The following ARHGAP39 variants were observed in gnomAD, a reference collection of about 807,000 sequenced individuals.
ARHGAP39 encodes Rho GTPase activating protein 39.
In ARHGAP39, 44 loss-of-function variants were observed where a neutral mutation model predicts 106.9. That is an observed-to-expected ratio of 0.41 (90% CI 0.32 to 0.53). ARHGAP39 has a LOEUF of 0.53. ARHGAP39 is among the 20% of genes least tolerant of loss of function. The pLI is 0.21. For missense variants in ARHGAP39, 1,496 were observed against 1,577.3 expected (o/e 0.95, Z 0.87); for synonymous variants, 768 against 693.2 (o/e 1.11, Z -1.69).
intron 3 of ARHGAP39, among the ~76,000 whole-genome samples, chr8:144,568,288 C>T (rs1818472410): frequency 7.9e-6 from 1 of 125,994 alleles, no homozygotes; most frequent in African/African-American, 3.1e-5. Context: ...GAGCCGAGAT[C>T]ACACCACTGC....
the ARHGAP39 span, among the ~76,000 whole-genome samples, chr8:144,696,224 C>T: frequency 3.3e-5 from 5 of 152,210 alleles, no homozygotes; most frequent in Admixed American, 2.0e-4. Context: ...CTGCAACCTC[C>T]GCCTCCTGGG....
upstream of ARHGAP39, among the ~76,000 whole-genome samples, chr8:144,687,998 A>C (rs1822666907): frequency 6.6e-6 from 1 of 150,816 alleles, no homozygotes; most frequent in African/African-American, 2.4e-5. Flanking sequence ...AGCGGTGAGC[A>C]CTTCCCACCC....
At chr8:144,532,223 A>G in intron 10 of ARHGAP39, 82 bp downstream of exon 10, 1 of 1,190,200 alleles carries the variant, frequency 8.4e-7, no homozygotes, top group Non-Finnish European at 1.2e-6. Context: ...ATCAGGGTGG[A>G]CCCCAGAGGC....
chr8:144,619,484 G>A (rs1236926167), intron 1 of ARHGAP39, among the ~76,000 whole-genome samples: 1 of 151,984 alleles, frequency 6.6e-6, no homozygotes, highest in Non-Finnish European at 1.5e-5. Context: ...GTCCCTGAGA[G>A]ACCGTTTGTG....
chr8:144,570,211 A>C (rs1486326929), intron 3 of ARHGAP39, among the ~76,000 whole-genome samples: 1 of 152,216 alleles, frequency 6.6e-6, no homozygotes, highest in African/African-American at 2.4e-5. Flanking sequence ...ACAAGAGTGA[A>C]ATTCTGTCTC....
chr8:144,588,269 G>A (rs926175210), intron 2 of ARHGAP39, among the ~76,000 whole-genome samples: 4 of 152,246 alleles, frequency 2.6e-5, no homozygotes, highest in Admixed American at 1.3e-4. Context: ...CGCATCCTGC[G>A]TGAGGGAACC....
rs189860791 is a variant in ARHGAP39 at position 144,545,589 on chromosome 8, G to A, written c.2181C>T (p.Ile727=). ...ANMLAWSSES[I]KKPMIVTSDR... is the part of the protein sequence containing the mutation. ...CGCTTGTCACGATCATGGGCTTCTT[G>A]ATGGACTCGCTGCTCCAGGCCAGCA... The change falls in exon 6 of 12, where the codon ATC becomes ATT. Residue 727 remains isoleucine (I), a synonymous_variant. Transcript: ENST00000377307. 8.7e-6 allele frequency: 14 copies of A among 1,613,810 alleles called. No individual in the cohort carries two copies. In the Admixed American group the frequency reaches 2.3e-4, roughly 27 times the overall value.
chr8:144,580,119 G>A (rs1818915737), intron 3 of ARHGAP39, among the ~76,000 whole-genome samples: 1 of 151,952 alleles, frequency 6.6e-6, no homozygotes, highest in African/African-American at 2.4e-5. Flanking sequence ...AGGCCCTTGC[G>A]CTCTACCCTG....
rs1444383295 is a variant in ARHGAP39 at position 144,670,295 on chromosome 8, T to C, written c.-82+15391A>G. Among the ~76,000 whole-genome samples, 2 of 152,066 alleles carry C rather than the reference T, an allele frequency of 1.3e-5. No homozygotes were observed. Among genetic ancestry groups the C allele is most frequent in the African/African-American group, 2.4e-5 (1 of 41,410 alleles). ...CAGAGCTCGGACGCGTGCTAGAGTGTACCGGGAAGCAGGATCAGCACCTGG... is the reference window on the plus strand; with the variant it reads ...CAGAGCTCGGACGCGTGCTAGAGTGCACCGGGAAGCAGGATCAGCACCTGG... On this transcript the variant is annotated intron_variant, in intron 1 of 11. Transcript: ENST00000377307. The surrounding 1 kb of genome is among the most constrained non-coding windows in gnomAD (Gnocchi z 4.4).
At chr8:144,668,816 C>G (rs953555698) in intron 1 of ARHGAP39, among the ~76,000 whole-genome samples, 10 of 151,988 alleles carry the variant, frequency 6.6e-5, no homozygotes, top group African/African-American at 2.4e-4. Flanking sequence ...TTTGAGGAAA[C>G]TGACAGGCTG....
At chr8:144,656,485 A>G (rs984943278) in intron 1 of ARHGAP39, among the ~76,000 whole-genome samples, 11 of 152,154 alleles carry the variant, frequency 7.2e-5, no homozygotes, top group African/African-American at 2.4e-4. Flanking sequence ...ATGGAACTTC[A>G]ACAAGTAAGG....
At position 144,644,335 on chromosome 8, in the gene ARHGAP39, A is replaced by T. The variant is rs1383875029; in HGVS notation, c.-81-38640T>A. Among the ~76,000 whole-genome samples the T allele has an allele frequency of 6.6e-6, 1 of 151,602 alleles. No homozygotes were observed. Among genetic ancestry groups the T allele is most frequent in the East Asian group, 1.9e-4 (1 of 5,200 alleles). On this transcript the variant is annotated intron_variant, in intron 1 of 11. Coordinates refer to ENST00000377307, the MANE Select transcript of ARHGAP39 (RefSeq NM_025251.3). This position sits in a 1 kb window ranked among gnomAD's most constrained non-coding sequence, Gnocchi z 4.8. ...CAAAGTCAGACACAAAAGATGACAT[A>T]TTGTAGGATTCCATGTCCATGAAGT...
chr8:144,600,122 G>A (rs968400704), intron 2 of ARHGAP39, among the ~76,000 whole-genome samples: 2 of 149,116 alleles, frequency 1.3e-5, no homozygotes, highest in African/African-American at 4.9e-5. Context: ...TGTGTGCGTA[G>A]AGACGAGTGT....
intron 1 of ARHGAP39, among the ~76,000 whole-genome samples, chr8:144,660,114 C>T (rs149329222): frequency 2.2e-3 from 334 of 152,302 alleles, no homozygotes; most frequent in African/African-American, 7.3e-3. Flanking sequence ...CCACTCTGCC[C>T]CCGACCCCTG....
intron 1 of ARHGAP39, among the ~76,000 whole-genome samples, chr8:144,652,437 C>T (rs1431246457): frequency 6.6e-6 from 1 of 152,108 alleles, no homozygotes; most frequent in East Asian, 1.9e-4. Flanking sequence ...ATAAATCATT[C>T]TACCATAAAG....
upstream of ARHGAP39, among the ~76,000 whole-genome samples, chr8:144,689,106 A>C (rs190163111): frequency 2.6e-5 from 4 of 152,252 alleles, no homozygotes; most frequent in African/African-American, 9.6e-5. Flanking sequence ...TCTGTTTGTG[A>C]GCTACAGGGA....
At position 144,646,032 on chromosome 8, in the gene ARHGAP39, A is replaced by G. The variant is rs1186533511; in HGVS notation, c.-82+39654T>C. ...GCTAGAGAAGGTAACCACATTGAAC[A>G]CACCACCACCTGACCAGCAACCACC... On this transcript the variant is annotated intron_variant, in intron 1 of 11. Coordinates refer to ENST00000377307, the MANE Select transcript of ARHGAP39 (RefSeq NM_025251.3). The surrounding 1 kb of genome is among the most constrained non-coding windows in gnomAD (Gnocchi z 5.7). Among the ~76,000 whole-genome samples the G allele has an allele frequency of 6.6e-6, 1 of 152,170 alleles. No individual in the cohort carries two copies. The highest frequency in any genetic ancestry group is 1.5e-5 in the Non-Finnish European group (1 of 68,028).
chr8:144,546,379 C>T (rs1323654496), intron 5 of ARHGAP39, among the ~76,000 whole-genome samples: 1 of 152,160 alleles, frequency 6.6e-6, no homozygotes, highest in Non-Finnish European at 1.5e-5. Flanking sequence ...TGGACAGAAT[C>T]ACGGACCGGA....
intron 3 of ARHGAP39, among the ~76,000 whole-genome samples, chr8:144,574,433 G>A (rs1818697034): frequency 6.6e-6 from 1 of 152,196 alleles, no homozygotes; most frequent in South Asian, 2.1e-4. Flanking sequence ...CACTTTGGGA[G>A]GCCGAGGCGG....
Sources: allele counts gnomAD v4.1 joint callset (sites outside exome capture counted in the v4.1 genomes callset), GRCh38; gene constraint gnomAD v4.1.1; non-coding constraint Gnocchi (gnomAD v3.1); transcripts MANE v1.5; gene names NCBI Gene and HGNC (gene_info 2026-07-23, HGNC 2026-07-21).